Variants in LRP1B observed in about 807,000 individuals in gnomAD.
LRP1B encodes the protein LDL receptor related protein 1B, also known as low-density lipoprotein receptor-related protein 1B.
Under a neutral mutation model 556.6 loss-of-function variants are expected in LRP1B, and 217 were observed. The ratio of observed to expected loss-of-function variants is 0.39; its 90% CI spans 0.35 to 0.44. The LOEUF (loss-of-function observed/expected upper bound fraction) is 0.44. LRP1B is among the 20% of genes least tolerant of loss of function. The pLI is 1.00. For synonymous variants in LRP1B, 2,047 were observed against 1,865.8 expected (o/e 1.10, Z -2.50); for missense variants, 5,053 against 5,620.8 (o/e 0.90, Z 3.23).
intron 19 of LRP1B, among the ~76,000 whole-genome samples, chr2:140,951,510 A>G (rs1261859183): frequency 6.6e-6 from 1 of 152,180 alleles, no homozygotes; most frequent in Non-Finnish European, 1.5e-5. Flanking sequence ...TTTCATAGCA[A>G]TGTATAAGCT....
Position 141,949,858 on chromosome 2 carries a change from C to T in LRP1B, c.83-139457G>A, listed in dbSNP as rs1701059130. 3.9e-5 allele frequency among the ~76,000 whole-genome samples: 6 copies of T among 152,158 alleles called. 1 individual carries two copies. Among genetic ancestry groups the T allele is most frequent in the Admixed American group, 3.9e-4 (6 of 15,268 alleles). On this transcript the variant is annotated intron_variant, in intron 1 of 90. Transcript: ENST00000389484. Reference sequence around the variant, plus strand: ...TCTAATAAAGATATGCATTTAACTACATTTCAGTGAAGATTTTGAGAGGAT... The same window carrying T: ...TCTAATAAAGATATGCATTTAACTATATTTCAGTGAAGATTTTGAGAGGAT...
At chr2:140,644,307 G>T (rs1216447167) in intron 41 of LRP1B, among the ~76,000 whole-genome samples, 1 of 151,746 alleles carries the variant, frequency 6.6e-6, no homozygotes, top group Non-Finnish European at 1.5e-5. Context: ...AGATACAAGA[G>T]TATCAAAATT....
rs1373055490 is a variant in LRP1B, at chr2:140,989,620, C to T, written c.2682G>A (p.Gln894=). 6.2e-7 allele frequency: 1 copy of T among 1,613,062 alleles called. No individual in the cohort carries two copies. The highest frequency in any genetic ancestry group is 8.5e-7 in the Non-Finnish European group (1 of 1,179,414). Residue 894 remains glutamine (Q), a synonymous_variant, in exon 17 of 91, where the codon CAG becomes CAA. Transcript: ENST00000389484. ...ATCTCTTGGGGATGCAGCGATTATT[C>T]TGGCATTTAAACTGATCATCAGGAC... ...HSCPDDQFKC[Q]NNRCIPKRWL...
At chr2:141,672,757 T>C (rs1690722104) in intron 2 of LRP1B, among the ~76,000 whole-genome samples, 1 of 152,206 alleles carries the variant, frequency 6.6e-6, no homozygotes, top group South Asian at 2.1e-4. Flanking sequence ...TTTGTTCCTG[T>C]TATCCTATGA....
intron 3 of LRP1B, among the ~76,000 whole-genome samples, chr2:141,365,961 C>T (rs191580339): frequency 2.0e-5 from 3 of 152,176 alleles, no homozygotes; most frequent in Admixed American, 6.5e-5. Context: ...GCATGCGCCA[C>T]CGCACCCGGC....
chr2:141,954,428 G>A (rs1167034731), intron 1 of LRP1B, among the ~76,000 whole-genome samples: 1 of 152,064 alleles, frequency 6.6e-6, no homozygotes, highest in Non-Finnish European at 1.5e-5. Context: ...TTATGAGTGT[G>A]TATTGAACTC....
At chr2:140,276,892 T>A (rs1038134648) in intron 84 of LRP1B, among the ~76,000 whole-genome samples, 7 of 151,850 alleles carry the variant, frequency 4.6e-5, no homozygotes, top group African/African-American at 1.7e-4. Context: ...AGGTCTGAAA[T>A]GGGGCCCAGG....
chr2:141,279,185 A>T (rs1283649077), intron 3 of LRP1B, among the ~76,000 whole-genome samples: 1 of 152,128 alleles, frequency 6.6e-6, no homozygotes, highest in Non-Finnish European at 1.5e-5. Context: ...GAAGCAAAAA[A>T]AAAGGTTGAA....
At chr2:140,253,404 ATAAAAT>A (rs1223599570) in intron 86 of LRP1B, among the ~76,000 whole-genome samples, 1 of 151,882 alleles carries the variant, frequency 6.6e-6, no homozygotes, top group Non-Finnish European at 1.5e-5. Flanking sequence ...CATGAAAGAA[ATAAAAT>A]TAATAAAATG....
In LRP1B at chr2:140,909,470, C is replaced by T. The variant is rs183916897; in HGVS notation, c.3320-1393G>A. On this transcript the variant is annotated intron_variant, in intron 21 of 90. Transcript: ENST00000389484. ...TATGTCAAATAAAATATAATCAGTT[C>T]CATAGTTAACTAAAATACATTTGAT... Among the ~76,000 whole-genome samples, 403 of 151,442 alleles carry T rather than the reference C, an allele frequency of 2.7e-3. 2 individuals are homozygous for T. Among genetic ancestry groups the T allele is most frequent in the African/African-American group, 9.1e-3 (376 of 41,456 alleles).
At chr2:140,760,175 A>G (rs1161042406) in intron 35 of LRP1B, among the ~76,000 whole-genome samples, 3 of 152,194 alleles carry the variant, frequency 2.0e-5, no homozygotes, top group African/African-American at 7.2e-5. Context: ...AACACATCAG[A>G]TAACAAATAG....
chr2:142,064,059 G>A (rs2104898074), intron 1 of LRP1B, among the ~76,000 whole-genome samples: 1 of 151,600 alleles, frequency 6.6e-6, no homozygotes, highest in South Asian at 2.1e-4. Flanking sequence ...AGAATGCTTT[G>A]AAGAAAAATG....
At chr2:140,892,450 C>T (rs1693825172) in intron 23 of LRP1B, among the ~76,000 whole-genome samples, 2 of 152,134 alleles carry the variant, frequency 1.3e-5, no homozygotes, top group South Asian at 4.1e-4. Flanking sequence ...GGTGCTCAAA[C>T]TCATGAGAAA....
rs1456482365 is a variant in LRP1B at position 141,841,214 on chromosome 2, TTGAG to T, written c.83-30817_83-30814del. Among the ~76,000 whole-genome samples the T allele has an allele frequency of 2.6e-5, 4 of 152,328 alleles. 1 individual carries two copies. The highest frequency in any genetic ancestry group is 2.9e-5 in the Non-Finnish European group (2 of 68,032). ...CTAAATTAAAATTGGAGAGGGCTTA[TTGAG>T]TGTTACTCTTGTGAGCATATGTAAA... On this transcript the variant is annotated intron_variant, in intron 1 of 90. Coordinates refer to ENST00000389484, the MANE Select transcript of LRP1B (RefSeq NM_018557.3).
In LRP1B at chr2:141,685,886, TA is replaced by T. The variant is rs879741853; in HGVS notation, c.205+124392del. On this transcript the variant is annotated intron_variant, in intron 2 of 90. Transcript: ENST00000389484. ...ATTCCTTAGAGATTATTTTCATATA[TA>T]AAAAAAAATATGACATGTAGCAAGT... 2.4e-3 allele frequency among the ~76,000 whole-genome samples: 358 copies of T among 151,226 alleles called. 6 individuals are homozygous for T. Among genetic ancestry groups the T allele is most frequent in the Admixed American group, 0.021 (316 of 15,152 alleles).
At chr2:141,985,386 C>T (rs183025800) in intron 1 of LRP1B, among the ~76,000 whole-genome samples, 260 of 151,964 alleles carry the variant, frequency 1.7e-3, no homozygotes, top group Admixed American at 4.0e-3. Flanking sequence ...AAGAGGGTCA[C>T]TATTTTATAT....
intron 90 of LRP1B, among the ~76,000 whole-genome samples, chr2:140,233,965 A>G (rs1328040860): frequency 6.6e-6 from 1 of 151,322 alleles, no homozygotes; most frequent in African/African-American, 2.4e-5. Flanking sequence ...AGAGGCATGC[A>G]GCAGCTGACC....
At chr2:140,494,802 A>G (rs1688846799) in intron 56 of LRP1B, among the ~76,000 whole-genome samples, 1 of 151,958 alleles carries the variant, frequency 6.6e-6, no homozygotes, top group Non-Finnish European at 1.5e-5. Flanking sequence ...AAAGTGGTTG[A>G]AAAAAACAGC....
intron 27 of LRP1B, among the ~76,000 whole-genome samples, chr2:140,866,136 C>T (rs966149434): frequency 5.3e-5 from 8 of 152,064 alleles, no homozygotes; most frequent in Non-Finnish European, 7.4e-5. Context: ...ATTATTATTA[C>T]TACAAAATGC....
Sources: gnomAD v4.1 joint callset for allele counts (sites outside exome capture counted in the v4.1 genomes callset) on GRCh38, gnomAD v4.1.1 for gene constraint, MANE v1.5 for transcripts, NCBI Gene and HGNC (gene_info 2026-07-23, HGNC 2026-07-21) for gene names.